Variants in CDKL5 observed in about 807,000 individuals in gnomAD.
CDKL5 encodes the protein cyclin dependent kinase like 5, also known as cyclin-dependent kinase-like 5.
A neutral mutation model predicts 61.7 loss-of-function variants in CDKL5; 8 were observed. The observed-to-expected ratio is 0.13, with a 90% confidence interval of 0.08 to 0.23. The LOEUF (loss-of-function observed/expected upper bound fraction) is 0.23. Ranked by LOEUF, CDKL5 falls within the 10% of genes least tolerant of loss-of-function variation. The probability of loss-of-function intolerance (pLI) is 1.00; values close to 1 mark genes in which losing one functional copy is unlikely to be tolerated. For missense variants in CDKL5, 440 were observed against 734.5 expected, an observed-to-expected ratio of 0.60 and a Z score of 4.63; for synonymous variants, 275 against 272.3, an observed-to-expected ratio of 1.01 and a Z score of -0.10.
At chrX:18,652,516 A>G (rs1928094026) in intron 21 of CDKL5, among the ~76,000 whole-genome samples, 1 of 111,604 alleles carries the variant, frequency 9.0e-6, no homozygotes, top group Non-Finnish European at 1.9e-5. Context: ...TAAAAATACA[A>G]AAATTAGCCG....
chrX:18,649,580 T>C (rs1002844692), intron 20 of CDKL5, among the ~76,000 whole-genome samples: 1 of 111,850 alleles, frequency 8.9e-6, no homozygotes, highest in African/African-American at 3.2e-5. Flanking sequence ...CTCACTAGTA[T>C]CTGCAGCTCT....
intron 4 of CDKL5, among the ~76,000 whole-genome samples, chrX:18,569,032 A>G (rs756676596): frequency 1.8e-5 from 2 of 111,739 alleles, no homozygotes; most frequent in Admixed American, 1.9e-4. Context: ...TAGCAGATAC[A>G]ATTCTATCAG....
At chrX:18,576,040 G>A (rs1019798194) in intron 5 of CDKL5, among the ~76,000 whole-genome samples, 4 of 112,333 alleles carry the variant, frequency 3.6e-5, no homozygotes, top group African/African-American at 6.5e-5. Flanking sequence ...GCCTTAGCTT[G>A]TATTAAAAAA....
intron 13 of CDKL5, 135 bp downstream of exon 13, chrX:18,609,047 A>T: frequency 2.0e-6 from 1 of 512,198 alleles, no homozygotes; most frequent in South Asian, 2.9e-5. Context: ...CTTGTGGCAT[A>T]ATTCTGAGTT....
chrX:18,645,095 T>A (rs1284708122), downstream of CDKL5, among the ~76,000 whole-genome samples: 3 of 112,506 alleles, frequency 2.7e-5, no homozygotes, highest in Non-Finnish European at 5.6e-5. Flanking sequence ...CCCATGTGGA[T>A]CTAGAAGGGC....
chrX:18,443,769 C>A (rs1488635839), intron 1 of CDKL5: 2 of 111,392 alleles, frequency 1.8e-5, no homozygotes. Flanking sequence ...TCCTTGTGTT[C>A]ATAAGTTCTT....
At chrX:18,646,462 G>A (rs1194041206) in intron 20 of CDKL5, among the ~76,000 whole-genome samples, 2 of 112,647 alleles carry the variant, frequency 1.8e-5, no homozygotes, top group African/African-American at 6.4e-5. Context: ...GCTGATGAAT[G>A]GAACTTTTAA....
intron 1 of CDKL5, 109 bp from the exon 2 acceptor site, chrX:18,506,826 A>G (rs969364949): frequency 2.6e-5 from 8 of 308,356 alleles, no homozygotes; most frequent in South Asian, 6.4e-5. Context: ...TTTTAAGTGT[A>G]TAAAACATTA....
chrX:18,439,626 T>C (rs1230011594), intron 1 of CDKL5, among the ~76,000 whole-genome samples: 1 of 110,114 alleles, frequency 9.1e-6, no homozygotes, highest in African/African-American at 3.3e-5. Context: ...TCACCAGAGG[T>C]TGGGAGTTCG....
chrX:18,483,583 A>G (rs887655524), intron 1 of CDKL5, among the ~76,000 whole-genome samples: 2 of 105,659 alleles, frequency 1.9e-5, no homozygotes, highest in Non-Finnish European at 3.9e-5. Flanking sequence ...CACCTGGCTA[A>G]TTTTTTTTTT....
At chrX:18,558,300 G>A (rs780379535) in intron 3 of CDKL5, among the ~76,000 whole-genome samples, 2 of 111,792 alleles carry the variant, frequency 1.8e-5, no homozygotes, top group South Asian at 7.5e-4. Flanking sequence ...GCTAACTACA[G>A]CTGGTGACAT....
chrX:18,625,148 T>TGATCTTCTGACG lies in CDKL5; in HGVS notation c.2398_2409dup (p.Asp800_Thr803dup). On this transcript the variant is annotated inframe_insertion, in exon 17 of 18. Transcript: ENST00000623535. The stretch of plus-strand genomic sequence containing the variant: ...TCTAGGTACCCAATTCCGACAGCCC[T>TGATCTTCTGACG]GATCTTCTGACGTTGCAGAAATCCA... 8.3e-7 allele frequency: 1 copy of TGATCTTCTGACG among 1,208,112 alleles called. No individual in the cohort carries two copies. The highest frequency in any genetic ancestry group is 1.1e-6 in the Non-Finnish European group (1 of 893,328).
intron 3 of CDKL5, among the ~76,000 whole-genome samples, chrX:18,553,291 A>G: frequency 9.0e-6 from 1 of 111,468 alleles, no homozygotes; most frequent in East Asian, 2.8e-4. Context: ...TTCTGTCTGA[A>G]TATTTTACAC....
chrX:18,609,626 G>T, intron 14 of CDKL5, 56 bp downstream of exon 14: 1 of 1,200,902 alleles, frequency 8.3e-7, no homozygotes, highest in Middle Eastern at 3.2e-4. Flanking sequence ...CTCACTTTAT[G>T]TGCACACTGC....
chrX:18,488,357 CTTAA>C (rs1921865731), intron 1 of CDKL5, among the ~76,000 whole-genome samples: 1 of 110,659 alleles, frequency 9.0e-6, no homozygotes, highest in Admixed American at 9.6e-5. Flanking sequence ...TTGGGGGTGT[CTTAA>C]TTAAAGGGAT....
At chrX:18,549,718 A>G (rs937252145) in intron 3 of CDKL5, among the ~76,000 whole-genome samples, 1 of 111,122 alleles carries the variant, frequency 9.0e-6, no homozygotes, top group African/African-American at 3.3e-5. Context: ...TCAGGTATAT[A>G]TTTCTTGTCA....
At chrX:18,477,156 A>C (rs1921347295) in intron 1 of CDKL5, among the ~76,000 whole-genome samples, 1 of 110,252 alleles carries the variant, frequency 9.1e-6, no homozygotes, top group African/African-American at 3.3e-5. Flanking sequence ...CAGTGTTGTG[A>C]GCCGGATTCA....
At chrX:18,545,758 G>T (rs1924169895) in intron 3 of CDKL5, among the ~76,000 whole-genome samples, 2 of 111,913 alleles carry the variant, frequency 1.8e-5, no homozygotes, top group Admixed American at 9.5e-5. Context: ...CCATTAATTT[G>T]CATGTTTTCA....
Position 18,634,350 on chromosome X carries a change from A to G in CDKL5, c.*5593A>G, listed in dbSNP as rs1429837969. The G allele has an allele frequency of 1.3e-6, 1 of 751,329 alleles. No individual in the cohort carries two copies. The highest frequency in any genetic ancestry group is 2.3e-5 in the African/African-American group (1 of 43,051). 61.9% of individuals were successfully genotyped at this position (751,329 alleles called of 1,213,427 possible). Reference sequence around the variant, plus strand: ...CAAGCTTGTCCTAGTGCTCTGCTTCAGGTCTTATCAGAAGAAACCCAGGAA... The same window carrying G: ...CAAGCTTGTCCTAGTGCTCTGCTTCGGGTCTTATCAGAAGAAACCCAGGAA... On this transcript the variant is annotated 3_prime_UTR_variant, in exon 18 of 18. Coordinates refer to ENST00000623535, the MANE Select transcript of CDKL5 (RefSeq NM_001323289.2).
Sources: gnomAD v4.1 joint callset for allele counts (sites outside exome capture counted in the v4.1 genomes callset) on GRCh38, gnomAD v4.1.1 for gene constraint, MANE v1.5 for transcripts, NCBI Gene and HGNC (gene_info 2026-07-23, HGNC 2026-07-21) for gene names.